Variants in CDC42BPA observed in about 807,000 individuals in gnomAD.
The protein encoded by CDC42BPA is serine/threonine-protein kinase MRCK alpha.
A neutral mutation model predicts 223.5 loss-of-function variants in CDC42BPA; 80 were observed. That is an observed-to-expected ratio of 0.36 (90% CI 0.30 to 0.43). The LOEUF is 0.43. Among genes scored for constraint, CDC42BPA ranks in the 20% least tolerant of loss-of-function variants. The pLI, the probability that CDC42BPA is intolerant of heterozygous loss-of-function variation, is 1.00. For missense variants in CDC42BPA, 1,743 were observed against 2,099.9 expected (o/e 0.83, Z 3.32); for synonymous variants, 694 against 718.6 (o/e 0.97, Z 0.55).
At chr1:227,014,155 A>T (rs1208926180) in intron 34 of CDC42BPA, among the ~76,000 whole-genome samples, 2 of 152,040 alleles carry the variant, frequency 1.3e-5, no homozygotes, top group Admixed American at 1.3e-4. Flanking sequence ...GAGAAATCTG[A>T]GATCTCACTC....
chr1:227,222,070 A>T (rs1676003033), intron 2 of CDC42BPA, among the ~76,000 whole-genome samples: 1 of 145,234 alleles, frequency 6.9e-6, no homozygotes, highest in Non-Finnish European at 1.5e-5. Flanking sequence ...AAAAAAAAAA[A>T]AAAAAAAAAT....
chr1:227,055,647 T>C (rs1428825641), intron 21 of CDC42BPA, among the ~76,000 whole-genome samples: 1 of 151,980 alleles, frequency 6.6e-6, no homozygotes, highest in African/African-American at 2.4e-5. Flanking sequence ...GTTAAAATAT[T>C]CTTTTTGTCA....
chr1:227,148,748 C>A (rs925116982), intron 6 of CDC42BPA, among the ~76,000 whole-genome samples: 2 of 99,428 alleles, frequency 2.0e-5, no homozygotes, highest in South Asian at 7.3e-4. Context: ...GCCTGGGCGA[C>A]AGAGCAAGAC....
chr1:227,275,251 G>A (rs1225682998), intron 1 of CDC42BPA, among the ~76,000 whole-genome samples: 1 of 151,406 alleles, frequency 6.6e-6, no homozygotes. Context: ...GAAAGCAGAG[G>A]GCATTTAGAA....
chr1:227,028,874 G>T lies in CDC42BPA; in HGVS notation c.4215C>A (p.Tyr1405Ter). Reference protein sequence around the residue: ...CVGFQSGFLRYPLNGEGNPYS... With the variant: ...CVGFQSGFLR The stretch of plus-strand genomic sequence containing the variant: ...ATGGATTTCCTTCTCCATTCAAGGG[G>T]TATCTTAGAAATCCTGACTGGAATC... Residue 1405 changes from tyrosine to a stop codon, truncating the protein, a stop_gained, in exon 30 of 37, where the codon TAC becomes TAA. Transcript: ENST00000366766. LOFTEE classifies it high-confidence loss of function. 2 of 1,613,670 alleles carry T rather than the reference G, an allele frequency of 1.2e-6. No individual in the cohort carries two copies. Among genetic ancestry groups the T allele is most frequent in the Non-Finnish European group, 1.7e-6 (2 of 1,179,654 alleles).
At chr1:227,027,243 G>A (rs1323273533) in intron 30 of CDC42BPA, among the ~76,000 whole-genome samples, 5 of 152,166 alleles carry the variant, frequency 3.3e-5, no homozygotes, top group African/African-American at 9.7e-5. Flanking sequence ...GGAAAAAAAA[G>A]TCTGGATGGG....
chr1:227,112,671 C>G lies in CDC42BPA; in HGVS notation c.1890G>C (p.Glu630Asp). The G allele has an allele frequency of 1.9e-6, 3 of 1,613,216 alleles. No homozygotes were observed. Among genetic ancestry groups the G allele is most frequent in the Non-Finnish European group, 2.5e-6 (3 of 1,179,744 alleles). The change falls in exon 13 of 37, where the codon GAG becomes GAC. Residue 630 changes from glutamate to aspartate, a missense_variant and splice_region_variant. Physicochemically the swap from Glu to Asp is conservative, Grantham distance 45. Transcript: ENST00000366766. The stretch of plus-strand genomic sequence containing the variant: ...CTACAAAATTTGCCTGACTACTAAC[C>G]TCTTTTTTGGCTCTTTCTGTTCTGC... ...ELRRTERAKK[E>D]LEVHTEALAA...
At chr1:227,001,678 G>A (rs546309111) in intron 35 of CDC42BPA, among the ~76,000 whole-genome samples, 11 of 152,208 alleles carry the variant, frequency 7.2e-5, no homozygotes, top group Middle Eastern at 6.8e-3. Context: ...AGGCTGAGGC[G>A]GGCAGATTAC....
intron 21 of CDC42BPA, among the ~76,000 whole-genome samples, chr1:227,057,776 T>C (rs1422205719): frequency 6.6e-6 from 1 of 152,192 alleles, no homozygotes; most frequent in East Asian, 1.9e-4. Context: ...AATAAAGACA[T>C]AGAATTAAGG....
At chr1:227,036,137 T>C (rs1185602888) in intron 24 of CDC42BPA, among the ~76,000 whole-genome samples, 2 of 152,192 alleles carry the variant, frequency 1.3e-5, no homozygotes, top group African/African-American at 4.8e-5. Flanking sequence ...ACTACTAAAA[T>C]AACAATAGTT....
At chr1:227,060,116 C>T (rs1675556105) in intron 21 of CDC42BPA, among the ~76,000 whole-genome samples, 1 of 147,582 alleles carries the variant, frequency 6.8e-6, no homozygotes, top group Non-Finnish European at 1.5e-5. Context: ...ACTGCAAGCT[C>T]CACCTCCTGG....
At chr1:227,010,491 G>A (rs1352960093) in intron 34 of CDC42BPA, among the ~76,000 whole-genome samples, 1 of 152,160 alleles carries the variant, frequency 6.6e-6, no homozygotes, top group Non-Finnish European at 1.5e-5. Flanking sequence ...TCACTGAATT[G>A]AACTGGTTAT....
Position 227,005,086 on chromosome 1 carries a change from GTCC to G in CDC42BPA, c.4880_4882del (p.Arg1627_Thr1628delinsPro). On this transcript the variant is annotated inframe_deletion, in exon 35 of 37. Coordinates refer to ENST00000366766, the MANE Select transcript of CDC42BPA (RefSeq NM_001394014.1). ...AATACTGACTGAGCCACTGAATACT[GTCC>G]GACTTTCCTGAGGCCGAGGGTTCTA... 1 of 1,613,912 alleles carries G rather than the reference GTCC, an allele frequency of 6.2e-7. No homozygotes were observed. Among genetic ancestry groups the G allele is most frequent in the Non-Finnish European group, 8.5e-7 (1 of 1,179,756 alleles).
intron 15 of CDC42BPA, among the ~76,000 whole-genome samples, chr1:227,099,384 A>G (rs1196223124): frequency 6.6e-6 from 1 of 151,932 alleles, no homozygotes; most frequent in Non-Finnish European, 1.5e-5. Context: ...ACTCACCGAG[A>G]GCAACTTCCA....
chr1:227,217,402 C>A (rs752361370), intron 2 of CDC42BPA, among the ~76,000 whole-genome samples: 1 of 151,090 alleles, frequency 6.6e-6, no homozygotes, highest in African/African-American at 2.4e-5. Flanking sequence ...GCCAAGATCA[C>A]GCCACTGCAC....
intron 1 of CDC42BPA, among the ~76,000 whole-genome samples, chr1:227,258,798 T>C (rs967640003): frequency 1.3e-5 from 2 of 151,172 alleles, no homozygotes; most frequent in Non-Finnish European, 2.9e-5. Context: ...TTAAAAATTA[T>C]ATCCACCAAA....
chr1:227,008,057 T>C (rs1289472), intron 34 of CDC42BPA, among the ~76,000 whole-genome samples: 9,707 of 152,224 alleles, frequency 0.064, 503 homozygotes, highest in East Asian at 0.25. Context: ...CTCAGTTCTT[T>C]AGTCATCTTA....
intron 1 of CDC42BPA, among the ~76,000 whole-genome samples, chr1:227,301,867 TAA>T (rs1174141007): frequency 6.6e-6 from 1 of 152,186 alleles, no homozygotes; most frequent in Non-Finnish European, 1.5e-5. Context: ...AGATAAATAT[TAA>T]GTGTTTCCAT....
At chr1:227,076,250 C>T (rs1443998038) in intron 17 of CDC42BPA, among the ~76,000 whole-genome samples, 1 of 151,992 alleles carries the variant, frequency 6.6e-6, no homozygotes, top group Non-Finnish European at 1.5e-5. Flanking sequence ...CCACCACTAT[C>T]TTTCTCTCTT....
Sources: gnomAD v4.1 joint callset for allele counts (sites outside exome capture counted in the v4.1 genomes callset) on GRCh38, gnomAD v4.1.1 for gene constraint, MANE v1.5 for transcripts, NCBI Gene and HGNC (gene_info 2026-07-23, HGNC 2026-07-21) for gene names.